The following UFM1 variants were observed in gnomAD, a reference collection of about 807,000 sequenced individuals.
UFM1 encodes the protein ubiquitin-fold modifier 1.
A neutral mutation model predicts 15.4 loss-of-function variants in UFM1; 9 were observed. The observed-to-expected ratio is 0.59, with a 90% confidence interval of 0.35 to 1.02. The LOEUF is 1.02. Ranked by LOEUF, UFM1 falls within the 50% of genes least tolerant of loss-of-function variation. The pLI, the probability that UFM1 is intolerant of heterozygous loss-of-function variation, is 0.02. For missense variants in UFM1, 98 were observed against 104.7 expected, an observed-to-expected ratio of 0.94 and a Z score of 0.28; for synonymous variants, 27 against 36.3, an observed-to-expected ratio of 0.74 and a Z score of 0.92.
At position 38,349,939 on chromosome 13, in the gene UFM1, G is replaced by A. The variant is rs371532681; in HGVS notation, c.2+18G>A. 2.5e-6 allele frequency: 4 copies of A among 1,613,974 alleles called. No individual in the cohort carries two copies. The East Asian group carries it at 6.7e-5, about 27-fold the overall frequency. On this transcript the variant is annotated intron_variant, in intron 1 of 5. Transcript: ENST00000239878. Reference sequence around the variant, plus strand: ...ACCACCATGTAAGTGTTTGCTTACCGACTGCCATAATTCCTGGTCCAGCTG... The same window carrying A: ...ACCACCATGTAAGTGTTTGCTTACCAACTGCCATAATTCCTGGTCCAGCTG...
chr13:38,351,161 C>A (rs1878833832), intron 2 of UFM1, among the ~76,000 whole-genome samples: 1 of 152,184 alleles, frequency 6.6e-6, no homozygotes, highest in Non-Finnish European at 1.5e-5. Context: ...TTAAATCATT[C>A]TCATGCAAAC....
At chr13:38,357,684 C>T (rs1566032975) in intron 3 of UFM1, among the ~76,000 whole-genome samples, 1 of 151,796 alleles carries the variant, frequency 6.6e-6, no homozygotes, top group Non-Finnish European at 1.5e-5. Context: ...ATAACACAGA[C>T]AGGCGATTAA....
At chr13:38,355,446 A>G (rs1185685295) in intron 3 of UFM1, among the ~76,000 whole-genome samples, 1 of 152,014 alleles carries the variant, frequency 6.6e-6, no homozygotes, top group Non-Finnish European at 1.5e-5. Flanking sequence ...GGGGCATAAC[A>G]GAATCCACAA....
intron 4 of UFM1, 126 bp from the exon 5 acceptor site, chr13:38,359,175 G>A (rs1879260550): frequency 8.8e-6 from 6 of 680,014 alleles, no homozygotes; most frequent in Non-Finnish European, 1.5e-5. Flanking sequence ...CGTGTTCTTG[G>A]ATTTAAAGTG....
intron 2 of UFM1, among the ~76,000 whole-genome samples, chr13:38,351,695 AAG>A (rs1469511039): frequency 4.6e-5 from 7 of 152,204 alleles, no homozygotes; most frequent in Non-Finnish European, 8.8e-5. Context: ...ATGTACTCGA[AAG>A]AGAGCGTGAG....
chr13:38,359,389 C>T (rs752865590), intron 5 of UFM1, 56 bp downstream of exon 5: 4 of 1,565,456 alleles, frequency 2.6e-6, no homozygotes, highest in Non-Finnish European at 3.5e-6. Context: ...TCAATTGACA[C>T]TGAATAGTTA....
At chr13:38,356,701 CAAAAAAA>C (rs35105286) in intron 3 of UFM1, among the ~76,000 whole-genome samples, 13 of 107,934 alleles carry the variant, frequency 1.2e-4, no homozygotes, top group Admixed American at 5.0e-4. Flanking sequence ...TTAGTACCAC[CAAAAAAA>C]AAAAAAAAAA....
At position 38,359,387 on chromosome 13, in the gene UFM1, C is replaced by T. The variant is rs765318652; in HGVS notation, c.190+54C>T. On this transcript the variant is annotated intron_variant, in intron 5 of 5. Coordinates refer to ENST00000239878, the MANE Select transcript of UFM1 (RefSeq NM_016617.4). The stretch of plus-strand genomic sequence containing the variant: ...GGGTGGGGTTATATATGTCAATTGA[C>T]ACTGAATAGTTAAGCTATTCTAATT... The T allele has an allele frequency of 3.5e-5, 55 of 1,569,098 alleles. No individual in the cohort carries two copies. In the Admixed American group the frequency reaches 9.0e-4, roughly 26 times the overall value.
chr13:38,350,878 C>T (rs574422123), intron 2 of UFM1, among the ~76,000 whole-genome samples: 13 of 152,176 alleles, frequency 8.5e-5, no homozygotes, highest in Non-Finnish European at 1.9e-4. Flanking sequence ...CTCCCTTGAT[C>T]TTTTCATCTC....
chr13:38,350,156 T>C (rs367841465), intron 2 of UFM1, 101 bp downstream of exon 2: 2 of 1,614,000 alleles, frequency 1.2e-6, no homozygotes, highest in Non-Finnish European at 8.5e-7. Flanking sequence ...GCAGTCTTCA[T>C]CTCTTCACTT....
chr13:38,359,497 T>TAAA, intron 5 of UFM1, 164 bp downstream of exon 5: 1 of 628,126 alleles, frequency 1.6e-6, no homozygotes, highest in South Asian at 2.4e-5. Flanking sequence ...TAATAAGTTG[T>TAAA]TTCATTGTGT....
At chr13:38,359,449 T>G (rs543847351) in intron 5 of UFM1, 116 bp downstream of exon 5, 1 of 1,135,356 alleles carries the variant, frequency 8.8e-7, no homozygotes, top group Admixed American at 1.8e-5. Context: ...GAGCTGTTTT[T>G]TAGGGATTAT....
At position 38,362,115 on chromosome 13, in the gene UFM1, A is replaced by T. The variant is rs1879430379; in HGVS notation, c.*1337A>T. The T allele has an allele frequency of 6.6e-6, 1 of 152,172 alleles. No individual in the cohort carries two copies. The highest frequency in any genetic ancestry group is 1.5e-5 in the Non-Finnish European group (1 of 68,028). 9.4% of individuals were successfully genotyped at this position (152,172 alleles called of 1,614,324 possible). On this transcript the variant is annotated 3_prime_UTR_variant, in exon 6 of 6. Transcript: ENST00000239878. ...TCAGAATCAGTGCTTGACCTCCTGT[A>T]TTCTGAATGGTGAACTCTGGAAGCA...
chr13:38,359,206 A>G (rs1879261361), intron 4 of UFM1, 95 bp from the exon 5 acceptor site: 2 of 1,090,470 alleles, frequency 1.8e-6, no homozygotes, highest in Non-Finnish European at 2.7e-6. Flanking sequence ...GTCTATATAC[A>G]CAACAGCACT....
At position 38,354,260 on chromosome 13, in the gene UFM1, A is replaced by G. The variant is rs760940461; in HGVS notation, c.81A>G (p.Thr27=). Residue 27 remains threonine (T), a synonymous_variant, in exon 3 of 6, where the codon ACA becomes ACG. Transcript: ENST00000239878. ...GCAGACTCAGTGTTCCTGAAAGTAC[A>G]CCTTTCACAGCAGTCTTAAAGTTTG... ...PYKVLSVPES[T]PFTAVLKFAA... The G allele has an allele frequency of 1.2e-6, 2 of 1,610,024 alleles. No individual in the cohort carries two copies. Among genetic ancestry groups the G allele is most frequent in the African/African-American group, 2.7e-5 (2 of 74,830 alleles).
intron 2 of UFM1, chr13:38,350,264 T>C: frequency 6.4e-7 from 1 of 1,571,188 alleles, no homozygotes. Context: ...CTTGGCAGCT[T>C]GGCCCCGTCA....
intron 2 of UFM1, among the ~76,000 whole-genome samples, chr13:38,350,859 A>G (rs1455294609): frequency 6.6e-6 from 1 of 152,202 alleles, no homozygotes; most frequent in Non-Finnish European, 1.5e-5. Flanking sequence ...ACAACCTCTC[A>G]GCCTTTTCCT....
intron 3 of UFM1, among the ~76,000 whole-genome samples, chr13:38,355,054 G>T (rs945437656): frequency 2.0e-5 from 3 of 152,010 alleles, no homozygotes; most frequent in Non-Finnish European, 4.4e-5. Context: ...TTCTGTTGAA[G>T]TTAAAAGTGC....
At position 38,362,521 on chromosome 13, in the gene UFM1, C is replaced by T. The variant is rs1368987377; in HGVS notation, c.*1743C>T. ...GTCGCCAGGCTTCTCCTGCCTCAGC[C>T]TCACGAGTAGCTGGGACTACAGGCA... On this transcript the variant is annotated 3_prime_UTR_variant, in exon 6 of 6. Transcript: ENST00000239878. The T allele has an allele frequency of 1.3e-5, 2 of 151,010 alleles. No homozygotes were observed. Among genetic ancestry groups the T allele is most frequent in the African/African-American group, 4.9e-5 (2 of 41,182 alleles). 9.4% of individuals were successfully genotyped at this position (151,010 alleles called of 1,614,324 possible). A position where few individuals can be genotyped will look rare whatever the true frequency, so the allele number is the denominator to read the frequency against.
Sources: allele counts gnomAD v4.1 joint callset (sites outside exome capture counted in the v4.1 genomes callset), GRCh38; gene constraint gnomAD v4.1.1; transcripts MANE v1.5; gene names NCBI Gene and HGNC (gene_info 2026-07-23, HGNC 2026-07-21).